NRXN3: variants seen among roughly 807,000 people sequenced by gnomAD.
NRXN3 encodes the protein neurexin III.
Under a neutral mutation model 137.6 loss-of-function variants are expected in NRXN3, and 32 were observed. The observed-to-expected ratio is 0.23, with a 90% CI of 0.18 to 0.31. The LOEUF (loss-of-function observed/expected upper bound fraction) is 0.31, where lower values mean the gene tolerates loss of function less well. Among genes scored for constraint, NRXN3 ranks in the 10% least tolerant of loss-of-function variants. The probability of loss-of-function intolerance (pLI) is 1.00; values close to 1 mark genes in which losing one functional copy is unlikely to be tolerated. For missense variants in NRXN3, 1,574 were observed against 2,062.5 expected, an observed-to-expected ratio of 0.76 and a Z score of 4.59; for synonymous variants, 798 against 784.5, an observed-to-expected ratio of 1.02 and a Z score of -0.29.
At chr14:79,130,077 C>T (rs1032815693) in intron 15 of NRXN3, among the ~76,000 whole-genome samples, 2 of 151,802 alleles carry the variant, frequency 1.3e-5, no homozygotes, top group African/African-American at 4.8e-5. Context: ...TGTGTCTCTG[C>T]ACGTGAGATG....
intron 16 of NRXN3, among the ~76,000 whole-genome samples, chr14:79,612,274 C>T (rs894886664): frequency 6.6e-6 from 1 of 152,168 alleles, no homozygotes. Flanking sequence ...TTCATTGGTT[C>T]AGCAGTTGAA....
At chr14:79,151,475 G>C (rs2059793592) in intron 15 of NRXN3, among the ~76,000 whole-genome samples, 5 of 152,038 alleles carry the variant, frequency 3.3e-5, no homozygotes, top group Admixed American at 2.6e-4. Flanking sequence ...GGGGCAGGAG[G>C]TTCCTGCCAA....
At chr14:79,707,484 T>A (rs2098785168) in intron 19 of NRXN3, among the ~76,000 whole-genome samples, 1 of 145,042 alleles carries the variant, frequency 6.9e-6, no homozygotes, top group African/African-American at 2.5e-5. Context: ...GCCAGGGTCC[T>A]TTGTGGAGCT....
At chr14:79,486,904 C>G (rs570668512) in intron 16 of NRXN3, among the ~76,000 whole-genome samples, 1 of 144,544 alleles carries the variant, frequency 6.9e-6, no homozygotes, top group African/African-American at 2.7e-5. Flanking sequence ...ATTAAACTCT[C>G]TTTACAGGTT....
chr14:79,131,160 A>G (rs1219691148), intron 15 of NRXN3, among the ~76,000 whole-genome samples: 1 of 152,180 alleles, frequency 6.6e-6, no homozygotes, highest in Non-Finnish European at 1.5e-5. Flanking sequence ...GATCGTCTGA[A>G]GCCTTCTTCT....
intron 15 of NRXN3, among the ~76,000 whole-genome samples, chr14:79,148,554 T>A (rs1285778122): frequency 6.6e-6 from 1 of 152,142 alleles, no homozygotes; most frequent in Non-Finnish European, 1.5e-5. Context: ...GTCCCTCATC[T>A]TCTTTCTGCT....
rs117898463 is a variant in NRXN3 at position 78,291,036 on chromosome 14, C to T, written c.728-6795C>T. Among the ~76,000 whole-genome samples the T allele has an allele frequency of 2.2e-4, 34 of 152,304 alleles. No homozygotes were observed. In the East Asian group the frequency reaches 5.6e-3, roughly 25 times the overall value. ...AAGACAGCCATTTAAAAGGGCTTCC[C>T]AGGGCCCTTTAAACCATGCTGAGCC... On this transcript the variant is annotated intron_variant, in intron 3 of 20. Coordinates refer to ENST00000335750, the MANE Select transcript of NRXN3 (RefSeq NM_001330195.2).
At chr14:78,784,396 T>C (rs75411764) in intron 8 of NRXN3, among the ~76,000 whole-genome samples, 2,177 of 152,298 alleles carry the variant, frequency 0.014, 67 homozygotes, top group African/African-American at 0.05. Flanking sequence ...CAATAGTAGA[T>C]GATGAGCTGT....
chr14:78,207,458 G>C (rs1197950234), intron 1 of NRXN3, among the ~76,000 whole-genome samples: 1 of 152,056 alleles, frequency 6.6e-6, no homozygotes, highest in Non-Finnish European at 1.5e-5. Context: ...CGGGCTTCTG[G>C]TCCTCTCCAC....
intron 15 of NRXN3, among the ~76,000 whole-genome samples, chr14:78,989,417 G>A (rs2099514019): frequency 6.6e-6 from 1 of 152,102 alleles, no homozygotes; most frequent in Non-Finnish European, 1.5e-5. Context: ...GTACACTGAG[G>A]AGAAACAAGT....
At chr14:78,569,991 C>T (rs1277807465) in intron 4 of NRXN3, among the ~76,000 whole-genome samples, 2 of 152,224 alleles carry the variant, frequency 1.3e-5, no homozygotes, top group Non-Finnish European at 2.9e-5. Context: ...GCCTGTTCTC[C>T]ATTTCCACAT....
intron 10 of NRXN3, among the ~76,000 whole-genome samples, chr14:78,915,260 GT>G (rs2099251629): frequency 7.4e-6 from 1 of 135,524 alleles, no homozygotes; most frequent in Non-Finnish European, 1.5e-5. Flanking sequence ...GTACTGTGTG[GT>G]TTATAAAACA....
At chr14:78,926,796 TTATA>T (rs1386856333) in intron 10 of NRXN3, among the ~76,000 whole-genome samples, 1 of 54,594 alleles carries the variant, frequency 1.8e-5, no homozygotes, top group Non-Finnish European at 3.1e-5. Flanking sequence ...ATATTATATA[TTATA>T]TATTTATATA....
chr14:78,289,603 T>C (rs945240219), intron 3 of NRXN3, among the ~76,000 whole-genome samples: 1 of 151,940 alleles, frequency 6.6e-6, no homozygotes, highest in Admixed American at 6.6e-5. Context: ...TTTTCCATCA[T>C]GCATGTACAA....
intron 15 of NRXN3, chr14:79,280,265 C>T (rs770458018): frequency 2.5e-6 from 4 of 1,613,086 alleles, no homozygotes; most frequent in Non-Finnish European, 3.4e-6. Context: ...TCAAACTGCC[C>T]ATCTGTAGTG....
chr14:78,718,186 T>A (rs1337640479), intron 8 of NRXN3, among the ~76,000 whole-genome samples: 3 of 152,186 alleles, frequency 2.0e-5, no homozygotes, highest in Non-Finnish European at 2.9e-5. Flanking sequence ...AGTCTAAGTC[T>A]AGAATGGATC....
intron 2 of NRXN3, among the ~76,000 whole-genome samples, chr14:78,262,347 C>T (rs1396950920): frequency 6.6e-6 from 1 of 152,066 alleles, no homozygotes; most frequent in Non-Finnish European, 1.5e-5. Context: ...CTCACCTTGG[C>T]TGGTAAGTGG....
intron 19 of NRXN3, among the ~76,000 whole-genome samples, chr14:79,804,402 C>T (rs766122059): frequency 5.3e-5 from 8 of 152,078 alleles, no homozygotes; most frequent in Middle Eastern, 3.4e-3. Flanking sequence ...GGAGTTTCTG[C>T]GAGACTCAGA....
chr14:79,114,916 G>A (rs2054144485), intron 15 of NRXN3, among the ~76,000 whole-genome samples: 1 of 152,038 alleles, frequency 6.6e-6, no homozygotes, highest in Admixed American at 6.6e-5. Flanking sequence ...ACACGTCTCT[G>A]GAAATGACTC....
Sources: allele counts gnomAD v4.1 joint callset (sites outside exome capture counted in the v4.1 genomes callset), GRCh38; gene constraint gnomAD v4.1.1; transcripts MANE v1.5; gene names NCBI Gene and HGNC (gene_info 2026-07-23, HGNC 2026-07-21).